Variants in RGS6 observed in about 807,000 individuals in gnomAD.
RGS6 encodes the protein regulator of G-protein signaling 6.
A neutral mutation model predicts 78.5 loss-of-function variants in RGS6; 30 were observed. The ratio of observed to expected loss-of-function variants is 0.38; its 90% CI spans 0.29 to 0.52. RGS6 has a LOEUF of 0.52. Among genes scored for constraint, RGS6 ranks in the 20% least tolerant of loss-of-function variants. The pLI, the probability that RGS6 is intolerant of heterozygous loss-of-function variation, is 0.85. For missense variants in RGS6, 495 were observed against 609.7 expected, an observed-to-expected ratio of 0.81 and a Z score of 1.98; for synonymous variants, 206 against 206.0, an observed-to-expected ratio of 1.00 and a Z score of 0.00.
At position 72,363,345 on chromosome 14, in the gene RGS6, G is replaced by A. The variant is rs112993314; in HGVS notation, c.184+11151G>A. On this transcript the variant is annotated intron_variant, in intron 3 of 17. Coordinates refer to ENST00000553525, the MANE Select transcript of RGS6 (RefSeq NM_001204424.2). ...ATGTGAGAAATAAGGCCATATTAAC[G>A]ACAACCACAGCATCAACTGAAACCA... Among the ~76,000 whole-genome samples, 379 of 152,314 alleles carry A rather than the reference G, an allele frequency of 2.5e-3. 2 individuals carry two copies. Among genetic ancestry groups the A allele is most frequent in the African/African-American group, 8.8e-3 (367 of 41,564 alleles).
intron 3 of RGS6, among the ~76,000 whole-genome samples, chr14:72,411,316 T>A (rs1254393877): frequency 1.3e-5 from 2 of 152,228 alleles, no homozygotes; most frequent in Admixed American, 1.3e-4. Context: ...CTAGGTATTT[T>A]ATTCTCTTTG....
the RGS6 span, among the ~76,000 whole-genome samples, chr14:71,898,574 T>C: frequency 4.6e-5 from 7 of 152,198 alleles, no homozygotes; most frequent in Admixed American, 3.9e-4. Context: ...TAGGTATACA[T>C]GTGCTATGGT....
intron 2 of RGS6, among the ~76,000 whole-genome samples, chr14:72,183,684 AAG>A (rs879453958): frequency 5.9e-5 from 9 of 152,234 alleles, no homozygotes; most frequent in Non-Finnish European, 1.2e-4. Context: ...TAAGTGGGAA[AAG>A]AGATATTGCA....
At chr14:72,419,069 C>T (rs771243060) in intron 3 of RGS6, among the ~76,000 whole-genome samples, 4 of 152,168 alleles carry the variant, frequency 2.6e-5, no homozygotes, top group Non-Finnish European at 5.9e-5. Context: ...ACAGTGGATG[C>T]CAGTAAAACT....
chr14:72,179,730 C>T lies in RGS6; in HGVS notation c.85-172365C>T, dbSNP rs569660715. On this transcript the variant is annotated intron_variant, in intron 2 of 17. Transcript: ENST00000553525. ...AGGTTATTTGTGAATTGAGTCAGCT[C>T]ATGTAACAGTGATTCTCAAAGTGTG... Among the ~76,000 whole-genome samples, 8 of 144,454 alleles carry T rather than the reference C, an allele frequency of 5.5e-5. No homozygotes were observed. The South Asian group carries it at 1.7e-3, about 31-fold the overall frequency. The allele number at this position is 144,454 out of a possible 152,430, so 94.8% of individuals were successfully genotyped here. A position where few individuals can be genotyped will look rare whatever the true frequency, so the allele number is the denominator to read the frequency against.
the RGS6 span, among the ~76,000 whole-genome samples, chr14:72,591,606 T>C: frequency 3.9e-5 from 6 of 152,224 alleles, no homozygotes; most frequent in African/African-American, 9.6e-5. Context: ...CTGCTTCTAA[T>C]TGAGCCCGTT....
At chr14:72,443,882 C>T (rs773613092) in intron 3 of RGS6, among the ~76,000 whole-genome samples, 12 of 152,208 alleles carry the variant, frequency 7.9e-5, no homozygotes, top group Non-Finnish European at 1.2e-4. Context: ...TCATCAGTGA[C>T]AGCCACCCTC....
chr14:72,100,934 G>A (rs761213775), intron 2 of RGS6, among the ~76,000 whole-genome samples: 1 of 152,056 alleles, frequency 6.6e-6, no homozygotes, highest in Non-Finnish European at 1.5e-5. Context: ...CAAGGCAGGT[G>A]GATTGTTTGA....
chr14:72,212,240 C>T (rs562933902), intron 2 of RGS6, among the ~76,000 whole-genome samples: 8 of 152,280 alleles, frequency 5.3e-5, no homozygotes, highest in African/African-American at 1.9e-4. Context: ...AGACATGAAG[C>T]ACTGGGCAAT....
chr14:72,013,271 C>CAAAAAAAAAAAAAAAAAAAAAAAAAAA (rs59579709), intron 2 of RGS6, among the ~76,000 whole-genome samples: 2 of 77,054 alleles, frequency 2.6e-5, no homozygotes, highest in Non-Finnish European at 4.7e-5. Context: ...ACTCCGTCTC[C>CAAAAAAAAAAAAAAAAAAAAAAAAAAA]AAAAAAAAAA....
intron 2 of RGS6, among the ~76,000 whole-genome samples, chr14:72,231,618 G>C (rs1363999709): frequency 1.3e-5 from 2 of 152,202 alleles, no homozygotes; most frequent in Non-Finnish European, 2.9e-5. Context: ...GTAAAGCCAA[G>C]TTAGGCAATA....
chr14:72,005,467 A>ATC (rs1555428453), intron 2 of RGS6, among the ~76,000 whole-genome samples: 8 of 151,292 alleles, frequency 5.3e-5, no homozygotes, highest in African/African-American at 1.5e-4. Flanking sequence ...CTATCTATCT[A>ATC]TATCTCCCTA....
At chr14:71,993,857 A>G (rs764624) in intron 2 of RGS6, among the ~76,000 whole-genome samples, 12,064 of 151,982 alleles carry the variant, frequency 0.079, 635 homozygotes, top group East Asian at 0.21. Context: ...ACGAGGGGGT[A>G]GCTGCCCCAA....
intron 2 of RGS6, among the ~76,000 whole-genome samples, chr14:72,224,278 G>A (rs113635283): frequency 1.3e-5 from 2 of 152,082 alleles, no homozygotes; most frequent in Admixed American, 6.5e-5. Context: ...AAATTAGCCA[G>A]GTGTGGTGGC....
chr14:72,238,362 AG>A (rs1275574874), intron 2 of RGS6, among the ~76,000 whole-genome samples: 2 of 152,082 alleles, frequency 1.3e-5, no homozygotes, highest in Non-Finnish European at 2.9e-5. Flanking sequence ...TCCAGGCTTG[AG>A]GGTGGGGCCT....
At chr14:71,964,096 T>G (rs1298678354) in intron 1 of RGS6, among the ~76,000 whole-genome samples, 1 of 152,218 alleles carries the variant, frequency 6.6e-6, no homozygotes, top group Non-Finnish European at 1.5e-5. Flanking sequence ...GGTCTGGATT[T>G]TGATTTCCCT....
At chr14:72,326,868 C>T (rs900999868) in intron 2 of RGS6, among the ~76,000 whole-genome samples, 27 of 152,202 alleles carry the variant, frequency 1.8e-4, no homozygotes, top group Non-Finnish European at 3.4e-4. Flanking sequence ...CCACCATGCC[C>T]GGCTAATTTT....
At chr14:72,329,374 T>G (rs990965705) in intron 2 of RGS6, among the ~76,000 whole-genome samples, 7 of 152,244 alleles carry the variant, frequency 4.6e-5, no homozygotes, top group Non-Finnish European at 8.8e-5. Flanking sequence ...CCAAGTCTCT[T>G]GGGCCCCTCA....
chr14:72,409,925 G>A (rs1004766356), intron 3 of RGS6, among the ~76,000 whole-genome samples: 3 of 152,124 alleles, frequency 2.0e-5, no homozygotes, highest in Non-Finnish European at 2.9e-5. Flanking sequence ...AGTATTCCAT[G>A]TTGTATATGT....
Sources: allele counts gnomAD v4.1 joint callset (sites outside exome capture counted in the v4.1 genomes callset), GRCh38; gene constraint gnomAD v4.1.1; transcripts MANE v1.5; gene names NCBI Gene and HGNC (gene_info 2026-07-23, HGNC 2026-07-21).